CDK5RAP1: variants seen among roughly 807,000 people sequenced by gnomAD.
CDK5RAP1 encodes mitochondrial tRNA methylthiotransferase CDK5RAP1.
Under a neutral mutation model 64.5 loss-of-function variants are expected in CDK5RAP1, and 62 were observed. The observed-to-expected ratio is 0.96, with a 90% CI of 0.78 to 1.19. CDK5RAP1 has a LOEUF of 1.19. Among genes scored for constraint, CDK5RAP1 ranks in the 50% most tolerant of loss-of-function variants. The pLI is 0.00. For synonymous variants in CDK5RAP1, 250 were observed against 261.9 expected (o/e 0.95, Z 0.44); for missense variants, 657 against 735.0 (o/e 0.89, Z 1.23).
chr20:33,368,595 G>A (rs887796634), intron 11 of CDK5RAP1, among the ~76,000 whole-genome samples: 6 of 150,146 alleles, frequency 4.0e-5, no homozygotes, highest in Middle Eastern at 3.2e-3. Flanking sequence ...TTCTCAGGCC[G>A]GGCACAGTGG....
At chr20:33,392,967 A>G (rs902335737) in intron 4 of CDK5RAP1, among the ~76,000 whole-genome samples, 2 of 150,400 alleles carry the variant, frequency 1.3e-5, no homozygotes, top group African/African-American at 4.9e-5. Context: ...GCAACCTCCA[A>G]CTCCCTGGTT....
At chr20:33,401,407 C>G in intron 1 of CDK5RAP1, 21 bp downstream of exon 1, 1 of 985,494 alleles carries the variant, frequency 1.0e-6, no homozygotes, top group Non-Finnish European at 1.2e-6. Flanking sequence ...CGCAGCCCAC[C>G]CCGGCGGCCG....
intron 4 of CDK5RAP1, among the ~76,000 whole-genome samples, chr20:33,393,241 GA>G (rs1431194465): frequency 1.3e-5 from 2 of 151,924 alleles, no homozygotes; most frequent in Non-Finnish European, 2.9e-5. Context: ...GGCTGGTCTT[GA>G]ATAGTTCACT....
intron 6 of CDK5RAP1, 62 bp downstream of exon 6, chr20:33,387,261 A>G: frequency 1.5e-6 from 2 of 1,320,718 alleles, no homozygotes; most frequent in Non-Finnish European, 2.1e-6. Context: ...TGTCTCAAAA[A>G]AAAAAAAAAA....
intron 1 of CDK5RAP1, among the ~76,000 whole-genome samples, chr20:33,398,933 T>A (rs1362033574): frequency 2.6e-5 from 4 of 151,694 alleles, no homozygotes; most frequent in South Asian, 4.2e-4. Context: ...CTCAAAAAAA[T>A]AAAAATAAAA....
intron 12 of CDK5RAP1, among the ~76,000 whole-genome samples, chr20:33,365,879 G>C (rs558266194): frequency 4.7e-4 from 71 of 152,288 alleles, no homozygotes; most frequent in African/African-American, 1.7e-3. Context: ...TGCCACTCTG[G>C]ACATAGCAAC....
chr20:33,378,044 T>G (rs1386947013), intron 8 of CDK5RAP1, among the ~76,000 whole-genome samples: 1 of 152,218 alleles, frequency 6.6e-6, no homozygotes, highest in African/African-American at 2.4e-5. Context: ...TTCATGAACT[T>G]TTCCTTTGCA....
chr20:33,369,481 T>G (rs1984625246), intron 11 of CDK5RAP1, among the ~76,000 whole-genome samples: 1 of 123,752 alleles, frequency 8.1e-6, no homozygotes, highest in African/African-American at 2.8e-5. Flanking sequence ...AGACTGAGAC[T>G]CCGCCTCAAA....
intron 5 of CDK5RAP1, among the ~76,000 whole-genome samples, chr20:33,388,451 T>C (rs1334088977): frequency 1.3e-5 from 2 of 152,068 alleles, no homozygotes; most frequent in Non-Finnish European, 1.5e-5. Flanking sequence ...TGTCTATTAA[T>C]GAATGAAGAG....
intron 2 of CDK5RAP1, among the ~76,000 whole-genome samples, chr20:33,396,017 C>A (rs6059297): frequency 0.021 from 3,175 of 151,592 alleles, 98 homozygotes; most frequent in African/African-American, 0.072. Context: ...CAAAAAAAAA[C>A]AAAAAAGAAA....
chr20:33,387,658 G>A (rs1987624898), intron 5 of CDK5RAP1, 125 bp from the exon 6 acceptor site: 1 of 697,318 alleles, frequency 1.4e-6, no homozygotes, highest in South Asian at 1.8e-5. Context: ...TCTAAGAATT[G>A]AGTATCATCC....
At position 33,389,096 on chromosome 20, in the gene CDK5RAP1, T is replaced by C. The variant is rs7269024; in HGVS notation, c.545-1563A>G. Among the ~76,000 whole-genome samples, 900 of 151,434 alleles carry C rather than the reference T, an allele frequency of 5.9e-3. 13 individuals carry two copies. Among genetic ancestry groups the C allele is most frequent in the African/African-American group, 0.02 (836 of 41,214 alleles). On this transcript the variant is annotated intron_variant, in intron 5 of 13. Transcript: ENST00000346416. Reference sequence around the variant, plus strand: ...CTGCCTGGCCGCCCATCGTCTGGGATGTGAGGAGCCCCTCTGCCCGGCTGC... The same window carrying C: ...CTGCCTGGCCGCCCATCGTCTGGGACGTGAGGAGCCCCTCTGCCCGGCTGC...
intron 13 of CDK5RAP1, chr20:33,359,736 C>G (rs1982544862): frequency 6.4e-6 from 1 of 155,342 alleles, no homozygotes; most frequent in South Asian, 2.0e-4. Context: ...AGTCTGTGTC[C>G]TGCCAGCTTC....
At chr20:33,395,579 A>G (rs981594326) in intron 2 of CDK5RAP1, among the ~76,000 whole-genome samples, 3 of 152,184 alleles carry the variant, frequency 2.0e-5, no homozygotes, top group Admixed American at 1.3e-4. Flanking sequence ...AGCCTGGGCA[A>G]TAGAGTGAGA....
chr20:33,370,017 C>T (rs1600721170), intron 11 of CDK5RAP1, among the ~76,000 whole-genome samples: 1 of 152,164 alleles, frequency 6.6e-6, no homozygotes, highest in Non-Finnish European at 1.5e-5. Context: ...CTCCTTCTTT[C>T]CTAATCTCCT....
chr20:33,382,535 G>A (rs1055908440), intron 7 of CDK5RAP1, among the ~76,000 whole-genome samples: 3 of 151,930 alleles, frequency 2.0e-5, no homozygotes, highest in Non-Finnish European at 1.5e-5. Context: ...ACAAAAATGA[G>A]CTAAGTATGG....
chr20:33,394,750 T>C (rs1393448890), intron 3 of CDK5RAP1, among the ~76,000 whole-genome samples: 6 of 152,218 alleles, frequency 3.9e-5, no homozygotes, highest in African/African-American at 1.4e-4. Context: ...ACTAAAACCC[T>C]GTACTCGTTA....
chr20:33,383,741 CAAA>C (rs34365439), intron 7 of CDK5RAP1, among the ~76,000 whole-genome samples: 2 of 91,256 alleles, frequency 2.2e-5, no homozygotes, highest in Non-Finnish European at 2.0e-5. Flanking sequence ...AACTCTGTCT[CAAA>C]AAAAAAAAAA....
rs1006583800 is a variant in CDK5RAP1 at position 33,395,764 on chromosome 20, G to A, written c.305-648C>T. On this transcript the variant is annotated intron_variant, in intron 2 of 13. Transcript: ENST00000346416. The stretch of plus-strand genomic sequence containing the variant: ...GTGGTGGCTCACGCCTGTAATCCCA[G>A]CACTTTGGGAGGCCAAGGCGGGCAG... 3.3e-5 allele frequency among the ~76,000 whole-genome samples: 5 copies of A among 152,230 alleles called. No individual in the cohort carries two copies. The East Asian group carries it at 5.8e-4, about 18-fold the overall frequency.
Sources: allele counts gnomAD v4.1 joint callset (sites outside exome capture counted in the v4.1 genomes callset), GRCh38; gene constraint gnomAD v4.1.1; transcripts MANE v1.5; gene names NCBI Gene and HGNC (gene_info 2026-07-23, HGNC 2026-07-21).